COG5: variants seen among roughly 807,000 people sequenced by gnomAD.
COG5 encodes the protein conserved oligomeric Golgi complex subunit 5.
In COG5, 86 loss-of-function variants were observed where a neutral mutation model predicts 110.4. The observed-to-expected ratio is 0.78, with a 90% CI of 0.65 to 0.93. The LOEUF is 0.93. Among genes scored for constraint, COG5 ranks in the 40% least tolerant of loss-of-function variants. COG5 has a pLI of 0.00. For synonymous variants in COG5, 360 were observed against 334.6 expected (o/e 1.08, Z -0.83); for missense variants, 1,077 against 987.0 (o/e 1.09, Z -1.22).
intron 14 of COG5, among the ~76,000 whole-genome samples, chr7:107,259,970 T>C (rs1331126840): frequency 6.6e-6 from 1 of 151,796 alleles, no homozygotes; most frequent in African/African-American, 2.4e-5. Flanking sequence ...CCCTCATACA[T>C]TGCTGGTGGG....
chr7:107,557,336 C>A (rs2082370737), intron 2 of COG5, among the ~76,000 whole-genome samples: 1 of 152,104 alleles, frequency 6.6e-6, no homozygotes, highest in Non-Finnish European at 1.5e-5. Context: ...GAAATTATGC[C>A]ATAAAATCGC....
At chr7:107,352,598 C>T (rs952313230) in intron 10 of COG5, among the ~76,000 whole-genome samples, 1 of 99,904 alleles carries the variant, frequency 1.0e-5, no homozygotes, top group Middle Eastern at 5.2e-3. Flanking sequence ...ATAAGTTGAA[C>T]ATTTATCTCA....
intron 12 of COG5, among the ~76,000 whole-genome samples, chr7:107,288,944 ATATATATATATATATATATT>A (rs1188707918): frequency 1.4e-4 from 14 of 103,102 alleles, no homozygotes; most frequent in Non-Finnish European, 2.3e-4. Flanking sequence ...ATATATATAT[ATATATATATATATATATATT>A]TAAAAATTTA....
chr7:107,339,259 A>G (rs946726412), intron 10 of COG5, among the ~76,000 whole-genome samples: 5 of 152,106 alleles, frequency 3.3e-5, no homozygotes, highest in African/African-American at 1.2e-4. Flanking sequence ...ATCCAACAAC[A>G]GTAAAAAACG....
intron 3 of COG5, among the ~76,000 whole-genome samples, chr7:107,549,766 TCTC>T (rs1357883943): frequency 6.6e-6 from 1 of 151,876 alleles, no homozygotes; most frequent in Non-Finnish European, 1.5e-5. Context: ...TGTTCCCACT[TCTC>T]CTCTGTCAGA....
intron 10 of COG5, among the ~76,000 whole-genome samples, chr7:107,336,892 C>G (rs371172812): frequency 6.6e-6 from 1 of 152,060 alleles, no homozygotes; most frequent in Non-Finnish European, 1.5e-5. Context: ...CAGTGCAGAC[C>G]GCCTGGGAGC....
chr7:107,512,355 C>G (rs1799584420), intron 6 of COG5, among the ~76,000 whole-genome samples: 1 of 152,148 alleles, frequency 6.6e-6, no homozygotes, highest in Non-Finnish European at 1.5e-5. Flanking sequence ...TGAAGGACCT[C>G]TTCAAGGAGA....
intron 6 of COG5, among the ~76,000 whole-genome samples, chr7:107,502,480 A>G (rs1798699338): frequency 6.6e-6 from 1 of 152,124 alleles, no homozygotes; most frequent in South Asian, 2.1e-4. Context: ...TGCAATAAAG[A>G]TATGTGTGCA....
At chr7:107,358,674 T>C (rs1214669126) in intron 10 of COG5, among the ~76,000 whole-genome samples, 1 of 152,224 alleles carries the variant, frequency 6.6e-6, no homozygotes, top group Non-Finnish European at 1.5e-5. Context: ...ATATGGTTTA[T>C]ACTGAACACC....
chr7:107,475,417 G>T, intron 6 of COG5: 1 of 819,372 alleles, frequency 1.2e-6, no homozygotes, highest in South Asian at 2.2e-5. Context: ...AATTTAAATT[G>T]TAAAAACTGA....
At chr7:107,253,457 G>A (rs796127551) in intron 16 of COG5, among the ~76,000 whole-genome samples, 2 of 151,950 alleles carry the variant, frequency 1.3e-5, no homozygotes, top group South Asian at 4.2e-4. Flanking sequence ...ACACAAAAAG[G>A]GAGAAAGAAG....
intron 6 of COG5, 93 bp from the exon 7 acceptor site, chr7:107,412,725 CAA>C: frequency 1.4e-6 from 1 of 736,518 alleles, no homozygotes; most frequent in African/African-American, 1.9e-5. Flanking sequence ...AAAAAAAAAA[CAA>C]AAAACGCTAT....
chr7:107,251,862 TAAAG>T lies in COG5; in HGVS notation c.1750-3367_1750-3364del, dbSNP rs1229456763. On this transcript the variant is annotated intron_variant, in intron 16 of 21. Transcript: ENST00000297135. ...ATTGAAACTAGCAAAAAGTAGAAAATAAAGAAAGATAAAAGCAGAAATCATTGAA... is the reference window on the plus strand; with the variant it reads ...ATTGAAACTAGCAAAAAGTAGAAAATAAAGATAAAAGCAGAAATCATTGAA... 4.7e-5 allele frequency among the ~76,000 whole-genome samples: 7 copies of T among 149,846 alleles called. No homozygotes were observed. The South Asian group carries it at 8.4e-4, about 18-fold the overall frequency.
At chr7:107,517,483 G>A (rs769038068) in intron 6 of COG5, among the ~76,000 whole-genome samples, 2 of 152,014 alleles carry the variant, frequency 1.3e-5, no homozygotes, top group Non-Finnish European at 2.9e-5. Flanking sequence ...TCAAATTCAG[G>A]AAATACAGAG....
intron 6 of COG5, among the ~76,000 whole-genome samples, chr7:107,508,280 T>C (rs1192038192): frequency 6.6e-6 from 1 of 152,230 alleles, no homozygotes; most frequent in Non-Finnish European, 1.5e-5. Flanking sequence ...TCTCGCTGAT[T>C]GCTAGCACAG....
At chr7:107,426,974 C>A (rs932787512) in intron 6 of COG5, among the ~76,000 whole-genome samples, 3 of 152,184 alleles carry the variant, frequency 2.0e-5, no homozygotes, top group Non-Finnish European at 4.4e-5. Flanking sequence ...CTTAAAGAAA[C>A]TGACAGTGGT....
At chr7:107,489,980 C>T (rs1797887712) in intron 6 of COG5, among the ~76,000 whole-genome samples, 1 of 152,044 alleles carries the variant, frequency 6.6e-6, no homozygotes, top group African/African-American at 2.4e-5. Flanking sequence ...ACCTGCCATA[C>T]AGCAATCAAT....
At chr7:107,368,905 G>A (rs1416177574) in intron 8 of COG5, among the ~76,000 whole-genome samples, 1 of 152,158 alleles carries the variant, frequency 6.6e-6, no homozygotes, top group Non-Finnish European at 1.5e-5. Context: ...AAGTTTCCTT[G>A]TACTCTCCTT....
chr7:107,347,092 A>T (rs1411185360), intron 10 of COG5, among the ~76,000 whole-genome samples: 1 of 152,198 alleles, frequency 6.6e-6, no homozygotes, highest in Non-Finnish European at 1.5e-5. Flanking sequence ...TCAAAGAGAG[A>T]GAGACAAACA....
Sources: allele counts gnomAD v4.1 joint callset (sites outside exome capture counted in the v4.1 genomes callset), GRCh38; gene constraint gnomAD v4.1.1; transcripts MANE v1.5; gene names NCBI Gene and HGNC (gene_info 2026-07-23, HGNC 2026-07-21).